PDZRN3: variants seen among roughly 807,000 people sequenced by gnomAD.
The protein encoded by PDZRN3 is PDZ domain containing ring finger 3, also known as E3 ubiquitin-protein ligase PDZRN3.
A neutral mutation model predicts 85.7 loss-of-function variants in PDZRN3; 38 were observed. The observed-to-expected ratio is 0.44, with a 90% confidence interval of 0.34 to 0.58. The LOEUF is 0.58. Ranked by LOEUF, PDZRN3 falls within the 20% of genes least tolerant of loss-of-function variation. The pLI, the probability that PDZRN3 is intolerant of heterozygous loss-of-function variation, is 0.01. For synonymous variants in PDZRN3, 759 were observed against 638.0 expected, an observed-to-expected ratio of 1.19 and a Z score of -2.86; for missense variants, 1,629 against 1,506.4, an observed-to-expected ratio of 1.08 and a Z score of -1.35.
intron 3 of PDZRN3, among the ~76,000 whole-genome samples, chr3:73,502,786 T>TA (rs1444878466): frequency 6.6e-6 from 1 of 152,198 alleles, no homozygotes; most frequent in African/African-American, 2.4e-5. Context: ...TGTGGCATCT[T>TA]ACAGAAAATC....
chr3:73,532,540 T>C (rs1211736880), intron 3 of PDZRN3, among the ~76,000 whole-genome samples: 2 of 152,210 alleles, frequency 1.3e-5, no homozygotes, highest in Non-Finnish European at 2.9e-5. Flanking sequence ...ACACACTCAC[T>C]GTGATATTGT....
intron 3 of PDZRN3, among the ~76,000 whole-genome samples, chr3:73,507,042 G>C (rs571652404): frequency 6.6e-6 from 1 of 152,334 alleles, no homozygotes; most frequent in Admixed American, 6.5e-5. Flanking sequence ...AAAGCCCTGA[G>C]GCTGAAAAAC....
At chr3:73,471,084 G>A (rs1703329988) in intron 3 of PDZRN3, among the ~76,000 whole-genome samples, 1 of 152,102 alleles carries the variant, frequency 6.6e-6, no homozygotes, top group Non-Finnish European at 1.5e-5. Context: ...TCTTTACAGA[G>A]GCAATTAAGT....
At chr3:73,489,245 A>G (rs2106654266) in intron 3 of PDZRN3, among the ~76,000 whole-genome samples, 1 of 152,342 alleles carries the variant, frequency 6.6e-6, no homozygotes, top group South Asian at 2.1e-4. Context: ...GGACAGGGAG[A>G]CAGAAAGATC....
At chr3:73,585,273 C>A (rs577995860) in intron 3 of PDZRN3, among the ~76,000 whole-genome samples, 2 of 152,130 alleles carry the variant, frequency 1.3e-5, no homozygotes, top group Admixed American at 6.5e-5. Flanking sequence ...TTGGTCTCTT[C>A]GTTTATATTA....
intron 3 of PDZRN3, among the ~76,000 whole-genome samples, chr3:73,444,058 C>G (rs1409453242): frequency 6.6e-6 from 1 of 152,152 alleles, no homozygotes; most frequent in Admixed American, 6.5e-5. Flanking sequence ...TCTGTCTCAT[C>G]AGCCTTTCCT....
intron 3 of PDZRN3, among the ~76,000 whole-genome samples, chr3:73,434,981 C>T (rs1451761684): frequency 1.3e-5 from 2 of 152,170 alleles, no homozygotes; most frequent in African/African-American, 2.4e-5. Context: ...CGAAAATGGT[C>T]GATGTTTAAA....
At chr3:73,449,550 T>C (rs1426562825) in intron 3 of PDZRN3, among the ~76,000 whole-genome samples, 1 of 152,200 alleles carries the variant, frequency 6.6e-6, no homozygotes. Context: ...GAACAAATAA[T>C]TATTTTGCTT....
At chr3:73,417,130 T>C (rs577885858) in intron 3 of PDZRN3, among the ~76,000 whole-genome samples, 6 of 152,262 alleles carry the variant, frequency 3.9e-5, no homozygotes, top group African/African-American at 9.6e-5. Context: ...CCCAAAGTGC[T>C]GGGATTACAG....
At chr3:73,486,573 G>A (rs191463267) in intron 3 of PDZRN3, among the ~76,000 whole-genome samples, 25 of 152,310 alleles carry the variant, frequency 1.6e-4, no homozygotes, top group African/African-American at 5.8e-4. Context: ...CAACGTGAAT[G>A]TAATGTATGC....
intron 3 of PDZRN3, among the ~76,000 whole-genome samples, chr3:73,537,156 C>T (rs1167835217): frequency 6.6e-6 from 1 of 152,126 alleles, no homozygotes; most frequent in Non-Finnish European, 1.5e-5. Context: ...TGAGCAGATG[C>T]AATGTACACC....
intron 3 of PDZRN3, among the ~76,000 whole-genome samples, chr3:73,531,017 G>A (rs1331659270): frequency 8.5e-5 from 13 of 152,100 alleles, no homozygotes; most frequent in African/African-American, 2.7e-4. Flanking sequence ...TTGGGAGGCC[G>A]AGGTGGGCGG....
At position 73,473,773 on chromosome 3, in the gene PDZRN3, T is replaced by C. The variant is rs577274751; in HGVS notation, c.919-69378A>G. ...AACTGAGGCCTCTTGCCAAGAGCCATGGGAGTGAACCTCGAGGTGGATCCT... is the reference window on the plus strand; with the variant it reads ...AACTGAGGCCTCTTGCCAAGAGCCACGGGAGTGAACCTCGAGGTGGATCCT... On this transcript the variant is annotated intron_variant, in intron 3 of 9. Transcript: ENST00000263666. Among the ~76,000 whole-genome samples the C allele has an allele frequency of 8.1e-4, 123 of 152,292 alleles. 1 individual carries two copies. Among genetic ancestry groups the C allele is most frequent in the South Asian group, 2.1e-3 (10 of 4,824 alleles).
chr3:73,385,050 C>T (rs946522183), intron 9 of PDZRN3, 120 bp from the exon 10 acceptor site: 1 of 1,134,192 alleles, frequency 8.8e-7, no homozygotes, highest in Non-Finnish European at 1.2e-6. Flanking sequence ...GGCCAAGGGA[C>T]AGCATCTGAC....
chr3:73,558,998 A>C (rs574531778), intron 3 of PDZRN3, among the ~76,000 whole-genome samples: 36 of 152,210 alleles, frequency 2.4e-4, no homozygotes, highest in Non-Finnish European at 4.3e-4. Context: ...TATGCATCTT[A>C]CTAGGCTAAG....
At chr3:73,518,933 T>C (rs1054837844) in intron 3 of PDZRN3, among the ~76,000 whole-genome samples, 1 of 152,118 alleles carries the variant, frequency 6.6e-6, no homozygotes, top group African/African-American at 2.4e-5. Flanking sequence ...AGCACCTATG[T>C]AGTGAGGTTC....
At chr3:73,562,983 T>TTTTATA (rs1337607309) in intron 3 of PDZRN3, among the ~76,000 whole-genome samples, 1 of 18,950 alleles carries the variant, frequency 5.3e-5, no homozygotes, top group Admixed American at 1.1e-3. Flanking sequence ...AGTTGGCAAA[T>TTTTATA]TATATATATA....
In PDZRN3 at chr3:73,624,515, C is replaced by A. The variant is rs767086339; in HGVS notation, c.311G>T (p.Arg104Leu). Residue 104 changes from arginine to leucine, a missense_variant, in exon 1 of 10, where the codon CGC becomes CTC. Transcript: ENST00000263666. ...KLQQLPEHLE[R>L]CDFAPARCRH... is the part of the protein sequence containing the mutation. ...ACAGCGCGCGGGCGCGAAGTCGCAG[C>A]GCTCGAGGTGCTCCGGCAGCTGCTG... is the stretch of plus-strand genomic sequence containing the variant. 6.9e-7 allele frequency: 1 copy of A among 1,452,954 alleles called. No individual in the cohort carries two copies. 90.0% of individuals were successfully genotyped at this position (1,452,954 alleles called of 1,614,324 possible).
At chr3:73,429,307 T>G (rs4077301) in intron 3 of PDZRN3, among the ~76,000 whole-genome samples, 60,254 of 152,044 alleles carry the variant, frequency 0.4, 12,594 homozygotes, top group East Asian at 0.8. Flanking sequence ...ATAGGCTGTT[T>G]AAGCAAACAC....
Sources: allele counts gnomAD v4.1 joint callset (sites outside exome capture counted in the v4.1 genomes callset), GRCh38; gene constraint gnomAD v4.1.1; transcripts MANE v1.5; gene names NCBI Gene and HGNC (gene_info 2026-07-23, HGNC 2026-07-21).